NYAP2: variants seen among roughly 807,000 people sequenced by gnomAD.
NYAP2 encodes neuronal tyrosine-phosphorylated phosphoinositide-3-kinase adapter 2.
Under a neutral mutation model 50.4 loss-of-function variants are expected in NYAP2, and 23 were observed. The ratio of observed to expected loss-of-function variants is 0.46; its 90% CI spans 0.33 to 0.65. NYAP2 has a LOEUF of 0.65. NYAP2 is among the 30% of genes least tolerant of loss of function. The pLI is 0.02. For missense variants in NYAP2, 885 were observed against 861.0 expected (o/e 1.03, Z -0.35); for synonymous variants, 394 against 365.2 (o/e 1.08, Z -0.90).
the NYAP2 span, among the ~76,000 whole-genome samples, chr2:225,675,319 C>G: frequency 3.3e-5 from 5 of 152,044 alleles, no homozygotes; most frequent in African/African-American, 9.7e-5. Flanking sequence ...CTAGTGATCC[C>G]TAGTGTCTAT....
At chr2:225,665,683 C>T in the NYAP2 span, among the ~76,000 whole-genome samples, 2 of 150,864 alleles carry the variant, frequency 1.3e-5, no homozygotes, top group East Asian at 1.9e-4. Context: ...GTGGTGCGTG[C>T]CTGTAATCAC....
chr2:225,536,398 G>A (rs1254798852), intron 4 of NYAP2, among the ~76,000 whole-genome samples: 1 of 152,138 alleles, frequency 6.6e-6, no homozygotes, highest in East Asian at 1.9e-4. Context: ...CCTGGCCTTT[G>A]GGAAATTCTT....
chr2:225,534,066 A>G (rs1374376386), intron 4 of NYAP2, among the ~76,000 whole-genome samples: 1 of 152,240 alleles, frequency 6.6e-6, no homozygotes, highest in Non-Finnish European at 1.5e-5. Context: ...TAATTGGCAC[A>G]TTAAAAAAAA....
chr2:225,545,108 T>C (rs1472454764), intron 4 of NYAP2, among the ~76,000 whole-genome samples: 1 of 152,222 alleles, frequency 6.6e-6, no homozygotes, highest in African/African-American at 2.4e-5. Flanking sequence ...TTGCTGCTTT[T>C]AGAATCCTTT....
intron 5 of NYAP2, among the ~76,000 whole-genome samples, chr2:225,593,952 A>C (rs1574699123): frequency 6.6e-6 from 1 of 152,338 alleles, no homozygotes; most frequent in African/African-American, 2.4e-5. Context: ...TCTACTCTTA[A>C]GTGGCATGTT....
chr2:225,502,422 T>C (rs953792110), intron 3 of NYAP2, among the ~76,000 whole-genome samples: 5 of 152,178 alleles, frequency 3.3e-5, no homozygotes, highest in Non-Finnish European at 7.4e-5. Context: ...AATAATAGTA[T>C]CATCCATCCT....
chr2:225,541,373 T>C (rs1169067725), intron 4 of NYAP2, among the ~76,000 whole-genome samples: 1 of 152,196 alleles, frequency 6.6e-6, no homozygotes, highest in Non-Finnish European at 1.5e-5. Flanking sequence ...CCCAGTCCGA[T>C]GTCCTGGAGA....
chr2:225,433,816 C>CA (rs35886164), intron 3 of NYAP2, among the ~76,000 whole-genome samples: 9,223 of 62,336 alleles, frequency 0.15, 2,104 homozygotes, highest in East Asian at 0.31. Context: ...GACTCCGTCT[C>CA]AAAAAAAAAA....
chr2:225,597,067 TG>T (rs1203206832), intron 5 of NYAP2, among the ~76,000 whole-genome samples: 1 of 152,130 alleles, frequency 6.6e-6, no homozygotes, highest in Non-Finnish European at 1.5e-5. Context: ...TTTGTATCTG[TG>T]AAAAACAAAA....
chr2:225,591,206 G>A (rs1692496076), intron 5 of NYAP2, among the ~76,000 whole-genome samples: 1 of 152,170 alleles, frequency 6.6e-6, no homozygotes, highest in Non-Finnish European at 1.5e-5. Context: ...AGAGAGAACA[G>A]TGTAACTCAC....
intron 3 of NYAP2, among the ~76,000 whole-genome samples, chr2:225,426,522 T>C (rs1683846410): frequency 6.6e-6 from 1 of 152,188 alleles, no homozygotes. Context: ...ATTGATTCAA[T>C]GATTGATATC....
intron 3 of NYAP2, among the ~76,000 whole-genome samples, chr2:225,470,131 A>G (rs533726903): frequency 1.3e-5 from 2 of 152,220 alleles, no homozygotes; most frequent in Admixed American, 6.5e-5. Flanking sequence ...AAGTAATTGC[A>G]TTGTGCATTT....
chr2:225,577,759 G>A lies in NYAP2; in HGVS notation c.524-4182G>A, dbSNP rs145492355. The stretch of plus-strand genomic sequence containing the variant: ...CCTCAAAGAACCTCTGATTTACCTC[G>A]AAGAACCATGAGATTACAAGGACGG... On this transcript the variant is annotated intron_variant, in intron 4 of 6. Coordinates refer to ENST00000636099, the Ensembl canonical transcript of NYAP2. Among the ~76,000 whole-genome samples, 216 of 150,914 alleles carry A rather than the reference G, an allele frequency of 1.4e-3. 1 individual carries two copies. The highest frequency in any genetic ancestry group is 4.8e-3 in the African/African-American group (197 of 41,154).
intron 6 of NYAP2, among the ~76,000 whole-genome samples, chr2:225,648,180 T>C (rs1693666943): frequency 6.6e-6 from 1 of 152,068 alleles, no homozygotes; most frequent in African/African-American, 2.4e-5. Context: ...TTTGTATTTT[T>C]AGTAGAGATA....
At chr2:225,413,151 G>C (rs1382098890) in intron 3 of NYAP2, among the ~76,000 whole-genome samples, 1 of 151,998 alleles carries the variant, frequency 6.6e-6, no homozygotes, top group East Asian at 1.9e-4. Flanking sequence ...AATATCTTTG[G>C]AGGGGGCAGA....
At chr2:225,583,083 A>C (rs774607047) in intron 5 of NYAP2, 48 bp downstream of exon 5, 1 of 1,574,664 alleles carries the variant, frequency 6.4e-7, no homozygotes, top group African/African-American at 1.3e-5. Context: ...TGCCAGGCTT[A>C]CAACCAGGGT....
chr2:225,699,031 G>A, the NYAP2 span: 4 of 151,816 alleles, frequency 2.6e-5, no homozygotes, highest in East Asian at 5.8e-4. Flanking sequence ...TGCTAGTAAC[G>A]TAGAAGTTGA....
intron 3 of NYAP2, among the ~76,000 whole-genome samples, chr2:225,466,134 C>A (rs1689915138): frequency 6.6e-6 from 1 of 152,206 alleles, no homozygotes; most frequent in Non-Finnish European, 1.5e-5. Flanking sequence ...CATAACACAC[C>A]AAACTAACCA....
At chr2:225,441,735 C>T (rs551120085) in intron 3 of NYAP2, among the ~76,000 whole-genome samples, 52 of 152,298 alleles carry the variant, frequency 3.4e-4, no homozygotes, top group South Asian at 2.5e-3. Flanking sequence ...CAATCACCTC[C>T]CACCAGGTCC....
Sources: gnomAD v4.1 joint callset for allele counts (sites outside exome capture counted in the v4.1 genomes callset) on GRCh38, gnomAD v4.1.1 for gene constraint, MANE v1.5 for transcripts, NCBI Gene and HGNC (gene_info 2026-07-23, HGNC 2026-07-21) for gene names.